The following ACAP2 variants were observed in gnomAD, a reference collection of about 807,000 sequenced individuals.
The protein encoded by ACAP2 is ArfGAP with coiled-coil, ankyrin repeat and PH domains 2.
In ACAP2, 39 loss-of-function variants were observed where a neutral mutation model predicts 115.8. That is an observed-to-expected ratio of 0.34 (90% CI 0.26 to 0.44). The LOEUF is 0.44. Among genes scored for constraint, ACAP2 ranks in the 20% least tolerant of loss-of-function variants. The probability of loss-of-function intolerance (pLI) is 1.00; values close to 1 mark genes in which losing one functional copy is unlikely to be tolerated. For missense variants in ACAP2, 662 were observed against 927.6 expected, an observed-to-expected ratio of 0.71 and a Z score of 3.72; for synonymous variants, 289 against 315.8, an observed-to-expected ratio of 0.92 and a Z score of 0.90.
chr3:195,301,835 T>C, intron 14 of ACAP2, 131 bp downstream of exon 14: 14 of 1,259,860 alleles, frequency 1.1e-5, no homozygotes, highest in Non-Finnish European at 1.4e-5. Context: ...TAACTACTTC[T>C]TAAAAGGTAC....
At chr3:195,333,927 G>A (rs1390266126) in intron 7 of ACAP2, among the ~76,000 whole-genome samples, 5 of 152,110 alleles carry the variant, frequency 3.3e-5, no homozygotes, top group East Asian at 1.9e-4. Flanking sequence ...TGAGTCAACC[G>A]AATTTGCCAA....
intron 1 of ACAP2, among the ~76,000 whole-genome samples, chr3:195,441,115 T>C (rs1277706863): frequency 6.7e-6 from 1 of 148,464 alleles, no homozygotes; most frequent in Admixed American, 6.8e-5. Context: ...TATTTCCAAA[T>C]CACTTCTCTC....
At chr3:195,287,054 G>A (rs779184321) in intron 21 of ACAP2, among the ~76,000 whole-genome samples, 11 of 152,234 alleles carry the variant, frequency 7.2e-5, no homozygotes, top group Non-Finnish European at 1.5e-4. Flanking sequence ...TTATTTGGCA[G>A]AGGGGTGACA....
At chr3:195,305,997 G>A (rs2108981050) in intron 13 of ACAP2, among the ~76,000 whole-genome samples, 1 of 152,070 alleles carries the variant, frequency 6.6e-6, no homozygotes, top group South Asian at 2.1e-4. Context: ...ACCCAAAAGT[G>A]CTGAGTTCCA....
At chr3:195,377,157 T>TTTTTTTTTTC (rs1733608552) in intron 4 of ACAP2, among the ~76,000 whole-genome samples, 1 of 146,238 alleles carries the variant, frequency 6.8e-6, no homozygotes, top group African/African-American at 2.6e-5. Flanking sequence ...TTTTTTTTTT[T>TTTTTTTTTTC]TTTTGGAAAC....
chr3:195,296,063 C>T (rs1727639783), intron 16 of ACAP2, among the ~76,000 whole-genome samples, 171 bp from the exon 17 acceptor site: 2 of 151,932 alleles, frequency 1.3e-5, no homozygotes, highest in African/African-American at 4.8e-5. Flanking sequence ...TTCCAAATAC[C>T]TAATGAACTA....
chr3:195,305,661 A>G (rs867309034), intron 13 of ACAP2, among the ~76,000 whole-genome samples: 1 of 152,284 alleles, frequency 6.6e-6, no homozygotes, highest in Middle Eastern at 3.4e-3. Context: ...GAGAAGTGTG[A>G]TTCTAGAGAC....
At chr3:195,382,857 T>C (rs1001547531) in intron 2 of ACAP2, among the ~76,000 whole-genome samples, 14 of 147,308 alleles carry the variant, frequency 9.5e-5, no homozygotes, top group Non-Finnish European at 1.9e-4. Flanking sequence ...CAAACACAAC[T>C]ACTATGACAA....
chr3:195,292,337 A>G lies in ACAP2; in HGVS notation c.1881T>C (p.Ala627=). 1.2e-6 allele frequency: 2 copies of G among 1,614,018 alleles called. No individual in the cohort carries two copies. Among genetic ancestry groups the G allele is most frequent in the East Asian group, 2.2e-5 (1 of 44,872 alleles). The change falls in exon 19 of 23, where the codon GCT becomes GCC. Residue 627 remains alanine (A), a synonymous_variant. Coordinates refer to ENST00000326793, the MANE Select transcript of ACAP2 (RefSeq NM_012287.6). Reference sequence around the variant, plus strand: ...TGGCCCAGTTCACGTCTGCACCATGAGCCAAAGCCTCAGCCATTTTAGGAA... The same window carrying G: ...TGGCCCAGTTCACGTCTGCACCATGGGCCAAAGCCTCAGCCATTTTAGGAA... ...KNLPKMAEAL[A]HGADVNWANS... is the part of the protein sequence containing the mutation.
At chr3:195,442,560 G>A (rs1716095263) in intron 1 of ACAP2, among the ~76,000 whole-genome samples, 1 of 152,228 alleles carries the variant, frequency 6.6e-6, no homozygotes, top group Non-Finnish European at 1.5e-5. Flanking sequence ...CGCCCCGGCA[G>A]AGGGCAAGGA....
At chr3:195,349,751 T>C (rs1484375751) in intron 4 of ACAP2, 2 of 261,746 alleles carry the variant, frequency 7.6e-6, no homozygotes, top group Non-Finnish European at 1.5e-5. Context: ...CAGAAGCACA[T>C]CCATGGAGTG....
chr3:195,332,002 C>T (rs1577313661), intron 8 of ACAP2, among the ~76,000 whole-genome samples: 2 of 151,672 alleles, frequency 1.3e-5, no homozygotes, highest in East Asian at 2.0e-4. Context: ...GGCATGGTGG[C>T]GGGCACCTGT....
At chr3:195,325,332 T>A (rs1043682817) in intron 9 of ACAP2, 5 of 418,040 alleles carry the variant, frequency 1.2e-5, no homozygotes, top group Non-Finnish European at 2.3e-5. Flanking sequence ...GCACCACTGT[T>A]TCTCCAATTG....
chr3:195,338,887 TA>T lies in ACAP2; in HGVS notation c.529-1912del, dbSNP rs202033055. 2.9e-3 allele frequency among the ~76,000 whole-genome samples: 420 copies of T among 145,362 alleles called. 1 individual carries two copies. Among genetic ancestry groups the T allele is most frequent in the East Asian group, 0.011 (54 of 5,072 alleles). ...ATCAAATAATTTTAAAGCACTAAAT[TA>T]AAAAAAAAAACAGAACAAGAAAAAT... On this transcript the variant is annotated intron_variant, in intron 6 of 22. Coordinates refer to ENST00000326793, the MANE Select transcript of ACAP2 (RefSeq NM_012287.6).
At chr3:195,281,549 C>A (rs538547988) in intron 22 of ACAP2, among the ~76,000 whole-genome samples, 1 of 152,264 alleles carries the variant, frequency 6.6e-6, no homozygotes, top group African/African-American at 2.4e-5. Flanking sequence ...ATCAATTAAA[C>A]CTCATCAGTC....
Position 195,356,264 on chromosome 3 carries a change from T to C in ACAP2, c.286-10947A>G, listed in dbSNP as rs540674681. ...GCCAATCCCGGCAGAACTCAGCCAA[T>C]GCCAATGAATGGAGCATTTAGACCA... On this transcript the variant is annotated intron_variant, in intron 4 of 22. Coordinates refer to ENST00000326793, the MANE Select transcript of ACAP2 (RefSeq NM_012287.6). 50 of 449,896 alleles carry C rather than the reference T, an allele frequency of 1.1e-4. No homozygotes were observed. In the Middle Eastern group the frequency reaches 1.3e-3, roughly 12 times the overall value. The allele number at this position is 449,896 out of a possible 1,614,324, so 27.9% of individuals were successfully genotyped here.
rs1408045839 is a variant in ACAP2, at chr3:195,275,369, A to AT, written c.*3958dup. On this transcript the variant is annotated 3_prime_UTR_variant, in exon 23 of 23. Transcript: ENST00000326793. ...GTCATTTGGAAGCATCAAGAAATTG[A>AT]TAAGTATGTGGTGAATTAAAATTAC... The AT allele has an allele frequency of 2.6e-5, 4 of 152,244 alleles. No homozygotes were observed. Among genetic ancestry groups the AT allele is most frequent in the Non-Finnish European group, 5.9e-5 (4 of 68,040 alleles). 9.4% of individuals were successfully genotyped at this position (152,244 alleles called of 1,614,324 possible).
intron 13 of ACAP2, among the ~76,000 whole-genome samples, chr3:195,302,449 G>T (rs1728126710): frequency 6.6e-6 from 1 of 152,020 alleles, no homozygotes; most frequent in Non-Finnish European, 1.5e-5. Flanking sequence ...AAGACAGAAA[G>T]GGAACACTAG....
intron 15 of ACAP2, among the ~76,000 whole-genome samples, chr3:195,299,768 G>A (rs934134126): frequency 5.3e-5 from 8 of 151,424 alleles, no homozygotes; most frequent in African/African-American, 1.9e-4. Flanking sequence ...AACCCAGGAG[G>A]TGGAGCTTGC....
Sources: gnomAD v4.1 joint callset for allele counts (sites outside exome capture counted in the v4.1 genomes callset) on GRCh38, gnomAD v4.1.1 for gene constraint, MANE v1.5 for transcripts, NCBI Gene and HGNC (gene_info 2026-07-23, HGNC 2026-07-21) for gene names.